The following COMMD10 variants were observed in gnomAD, a reference collection of about 807,000 sequenced individuals.
The protein encoded by COMMD10 is COMM domain containing 10, also known as COMM domain-containing protein 10.
In COMMD10, 33 loss-of-function variants were observed where a neutral mutation model predicts 28.9. The ratio of observed to expected loss-of-function variants is 1.14; its 90% CI spans 0.87 to 1.53. COMMD10 has a LOEUF of 1.53. Among genes scored for constraint, COMMD10 ranks in the 40% most tolerant of loss-of-function variants. The pLI, the probability that COMMD10 is intolerant of heterozygous loss-of-function variation, is 0.00. For missense variants in COMMD10, 310 were observed against 233.4 expected, an observed-to-expected ratio of 1.33 and a Z score of -2.14; for synonymous variants, 110 against 81.7, an observed-to-expected ratio of 1.35 and a Z score of -1.87.
intron 5 of COMMD10, among the ~76,000 whole-genome samples, chr5:116,276,531 C>G (rs533108549): frequency 2.6e-5 from 4 of 151,798 alleles, no homozygotes; most frequent in South Asian, 2.1e-4. Context: ...CCACCATGCC[C>G]AGCCGTATCT....
chr5:116,244,581 C>T (rs1749891279), intron 5 of COMMD10, among the ~76,000 whole-genome samples: 1 of 150,248 alleles, frequency 6.7e-6, no homozygotes, highest in Admixed American at 6.7e-5. Context: ...AGAAGTTTCC[C>T]CGGCTGAATC....
rs553989059 is a variant in COMMD10, at chr5:116,218,122, TC to T, written c.511-73392del. On this transcript the variant is annotated intron_variant, in intron 5 of 6. Transcript: ENST00000274458. The stretch of plus-strand genomic sequence containing the variant: ...TCCCCTCCTTGCCAGCATCAGCTTT[TC>T]CCTTTCTCCCTTTGGGTACCTTCTC... 2.7e-4 allele frequency: 342 copies of T among 1,276,240 alleles called. 5 individuals carry two copies. The South Asian group carries it at 3.6e-3, about 13-fold the overall frequency. 79.1% of individuals were successfully genotyped at this position (1,276,240 alleles called of 1,614,324 possible).
chr5:116,265,940 G>GA (rs1302082785), intron 5 of COMMD10, among the ~76,000 whole-genome samples: 2 of 151,500 alleles, frequency 1.3e-5, no homozygotes, highest in Non-Finnish European at 2.9e-5. Flanking sequence ...CATATTCAGA[G>GA]AAAAAAACAA....
intron 5 of COMMD10, among the ~76,000 whole-genome samples, chr5:116,150,549 G>T (rs1341210661): frequency 2.8e-5 from 4 of 141,724 alleles, no homozygotes; most frequent in African/African-American, 1.1e-4. Flanking sequence ...GTGGTTTGTA[G>T]TTCTCCTTGA....
At chr5:116,195,324 AC>A (rs1352900065) in intron 5 of COMMD10, among the ~76,000 whole-genome samples, 1 of 152,150 alleles carries the variant, frequency 6.6e-6, no homozygotes, top group Non-Finnish European at 1.5e-5. Context: ...GAGCAGTCAG[AC>A]AAGAGAAAGA....
intron 5 of COMMD10, among the ~76,000 whole-genome samples, chr5:116,217,143 TGAA>T (rs1312177165): frequency 6.7e-6 from 1 of 148,974 alleles, no homozygotes; most frequent in Non-Finnish European, 1.5e-5. Context: ...CAAACAAGTA[TGAA>T]GAAGAAAAAA....
intron 5 of COMMD10, among the ~76,000 whole-genome samples, chr5:116,156,692 T>G (rs965478965): frequency 1.7e-4 from 26 of 152,174 alleles, no homozygotes; most frequent in African/African-American, 4.8e-4. Context: ...TTTAATCTAA[T>G]TCCATAACCC....
intron 5 of COMMD10, among the ~76,000 whole-genome samples, chr5:116,211,079 G>T (rs1748951475): frequency 6.6e-6 from 1 of 151,894 alleles, no homozygotes; most frequent in Admixed American, 6.6e-5. Flanking sequence ...AATTATAATG[G>T]AATCATTATA....
chr5:116,224,696 C>T lies in COMMD10; in HGVS notation c.511-66821C>T, dbSNP rs551838297. On this transcript the variant is annotated intron_variant, in intron 5 of 6. Transcript: ENST00000274458. The stretch of plus-strand genomic sequence containing the variant: ...AAGCCCCAAACACCTCCCTCTAGGC[C>T]CACCTCCAGCATTAGACATCCTATT... Among the ~76,000 whole-genome samples the T allele has an allele frequency of 3.3e-5, 5 of 152,270 alleles. No individual in the cohort carries two copies. The South Asian group carries it at 8.3e-4, about 25-fold the overall frequency.
intron 4 of COMMD10, among the ~76,000 whole-genome samples, chr5:116,103,613 C>T (rs928521231): frequency 6.6e-6 from 1 of 152,142 alleles, no homozygotes; most frequent in African/African-American, 2.4e-5. Context: ...TGTAGGTTGC[C>T]TATTCACTCT....
At chr5:116,085,214 G>C in intron 1 of COMMD10, 121 bp downstream of exon 1, 1 of 715,234 alleles carries the variant, frequency 1.4e-6, no homozygotes. Flanking sequence ...GAGTGGGGTG[G>C]GGTGGGGTGG....
At chr5:116,286,436 T>C (rs1751220041) in intron 5 of COMMD10, among the ~76,000 whole-genome samples, 1 of 151,032 alleles carries the variant, frequency 6.6e-6, no homozygotes. Flanking sequence ...TCCTAGTTCC[T>C]TGGATGTAAA....
At chr5:116,098,779 G>A (rs769983668) in intron 4 of COMMD10, among the ~76,000 whole-genome samples, 7 of 151,992 alleles carry the variant, frequency 4.6e-5, no homozygotes, top group Non-Finnish European at 7.4e-5. Context: ...ATCAAAAGGT[G>A]TTTATTTTTA....
At chr5:116,169,052 G>A (rs1246878312) in intron 5 of COMMD10, among the ~76,000 whole-genome samples, 1 of 151,956 alleles carries the variant, frequency 6.6e-6, no homozygotes, top group Non-Finnish European at 1.5e-5. Flanking sequence ...AAAAATCAAT[G>A]AATCCAGGAG....
At chr5:116,288,757 T>C (rs536336711) in intron 5 of COMMD10, among the ~76,000 whole-genome samples, 1 of 151,876 alleles carries the variant, frequency 6.6e-6, no homozygotes, top group Non-Finnish European at 1.5e-5. Context: ...TACTGTATTT[T>C]TCAGCTCCAG....
chr5:116,247,524 G>A (rs936119158), intron 5 of COMMD10, among the ~76,000 whole-genome samples: 2 of 152,052 alleles, frequency 1.3e-5, no homozygotes, highest in African/African-American at 2.4e-5. Context: ...ACATACGTAT[G>A]TTCATTGCAG....
chr5:116,150,710 A>G (rs1341051699), intron 5 of COMMD10, among the ~76,000 whole-genome samples: 3 of 139,304 alleles, frequency 2.2e-5, no homozygotes, highest in Non-Finnish European at 4.7e-5. Flanking sequence ...TTGATTTTGT[A>G]TCCTGAGACT....
At chr5:116,102,840 C>G (rs889668453) in intron 4 of COMMD10, among the ~76,000 whole-genome samples, 13 of 152,076 alleles carry the variant, frequency 8.5e-5, no homozygotes, top group African/African-American at 1.2e-4. Context: ...TGACAGGCCC[C>G]AGTGTGTGAT....
chr5:116,236,145 A>G (rs1176670653), intron 5 of COMMD10, among the ~76,000 whole-genome samples: 1 of 152,166 alleles, frequency 6.6e-6, no homozygotes, highest in African/African-American at 2.4e-5. Flanking sequence ...GAAGCATCCA[A>G]GATGTCTTCC....
Sources: gnomAD v4.1 joint callset for allele counts (sites outside exome capture counted in the v4.1 genomes callset) on GRCh38, gnomAD v4.1.1 for gene constraint, MANE v1.5 for transcripts, NCBI Gene and HGNC (gene_info 2026-07-23, HGNC 2026-07-21) for gene names.